Variants in CSMD1 observed in about 807,000 individuals in gnomAD.
The protein encoded by CSMD1 is CUB and sushi domain-containing protein 1.
A neutral mutation model predicts 417.5 loss-of-function variants in CSMD1; 213 were observed. The ratio of observed to expected loss-of-function variants is 0.51; its 90% CI spans 0.46 to 0.57. The LOEUF (loss-of-function observed/expected upper bound fraction) is 0.57. CSMD1 is among the 20% of genes least tolerant of loss of function. CSMD1 has a pLI of 0.00. For missense variants in CSMD1, 6,923 were observed against 4,529.7 expected, an observed-to-expected ratio of 1.53 and a Z score of -15.17; for synonymous variants, 2,862 against 1,736.8, an observed-to-expected ratio of 1.65 and a Z score of -16.11.
At chr8:3,868,164 C>T (rs1299172872) in intron 5 of CSMD1, among the ~76,000 whole-genome samples, 7 of 152,100 alleles carry the variant, frequency 4.6e-5, no homozygotes, top group Non-Finnish European at 7.4e-5. Flanking sequence ...TTCCACTCCA[C>T]TCTGCTGAAC....
At chr8:3,954,234 C>G (rs1811776264) in intron 5 of CSMD1, among the ~76,000 whole-genome samples, 2 of 152,232 alleles carry the variant, frequency 1.3e-5, no homozygotes, top group South Asian at 2.1e-4. Flanking sequence ...CCAGGCAAGT[C>G]CAGAGCAGGA....
At chr8:4,247,463 C>T (rs1188121243) in intron 3 of CSMD1, among the ~76,000 whole-genome samples, 1 of 152,126 alleles carries the variant, frequency 6.6e-6, no homozygotes, top group Non-Finnish European at 1.5e-5. Flanking sequence ...ATGAAAAATG[C>T]TTTCTATCTC....
At chr8:4,239,850 G>C (rs1000885502) in intron 3 of CSMD1, among the ~76,000 whole-genome samples, 2 of 152,110 alleles carry the variant, frequency 1.3e-5, no homozygotes, top group Non-Finnish European at 2.9e-5. Context: ...CACTATTTTG[G>C]AATATAGTGA....
At chr8:3,390,245 C>T (rs541040839) in intron 17 of CSMD1, among the ~76,000 whole-genome samples, 1 of 147,384 alleles carries the variant, frequency 6.8e-6, no homozygotes, top group African/African-American at 2.5e-5. Flanking sequence ...ATCCCAGCTA[C>T]TTGGGAGGCT....
At chr8:4,799,955 G>C (rs1476184391) in intron 1 of CSMD1, among the ~76,000 whole-genome samples, 1 of 151,918 alleles carries the variant, frequency 6.6e-6, no homozygotes, top group South Asian at 2.1e-4. Context: ...CGAACATGCA[G>C]ACTACACTGA....
intron 3 of CSMD1, among the ~76,000 whole-genome samples, chr8:4,257,951 G>C (rs538100730): frequency 2.6e-5 from 4 of 152,176 alleles, no homozygotes; most frequent in Non-Finnish European, 2.9e-5. Context: ...AAAATCATTA[G>C]AATCTTTGTC....
intron 1 of CSMD1, among the ~76,000 whole-genome samples, chr8:4,739,446 G>T (rs1003098622): frequency 4.6e-5 from 7 of 152,274 alleles, no homozygotes; most frequent in South Asian, 2.1e-4. Flanking sequence ...AAGAGAAAAG[G>T]TCATGTGAAT....
intron 26 of CSMD1, among the ~76,000 whole-genome samples, chr8:3,254,660 A>T (rs976901410): frequency 2.0e-5 from 3 of 152,140 alleles, no homozygotes; most frequent in African/African-American, 7.2e-5. Flanking sequence ...TAGTTGACCG[A>T]ATTGGCTATT....
intron 1 of CSMD1, among the ~76,000 whole-genome samples, chr8:4,951,381 C>A (rs1045916595): frequency 5.3e-5 from 8 of 150,624 alleles, no homozygotes; most frequent in African/African-American, 2.0e-4. Flanking sequence ...TCTAGCCAGT[C>A]AGGATCAGAG....
chr8:3,527,687 T>C (rs1403708290), intron 10 of CSMD1, among the ~76,000 whole-genome samples: 1 of 152,162 alleles, frequency 6.6e-6, no homozygotes, highest in African/African-American at 2.4e-5. Context: ...GCTCTGCTTT[T>C]GGCTTAGAGC....
chr8:4,461,397 G>A (rs915432488), intron 2 of CSMD1, among the ~76,000 whole-genome samples: 1 of 150,702 alleles, frequency 6.6e-6, no homozygotes, highest in African/African-American at 2.5e-5. Context: ...CATAAAGATA[G>A]GTAAAGAAGA....
intron 5 of CSMD1, among the ~76,000 whole-genome samples, chr8:3,972,099 G>A (rs948859485): frequency 6.6e-6 from 1 of 152,014 alleles, no homozygotes; most frequent in African/African-American, 2.4e-5. Context: ...CTGACTTCCT[G>A]GGCTCAAGAG....
At chr8:4,664,728 A>T (rs1804809396) in intron 1 of CSMD1, among the ~76,000 whole-genome samples, 1 of 152,318 alleles carries the variant, frequency 6.6e-6, no homozygotes, top group African/African-American at 2.4e-5. Flanking sequence ...TTTATATAAA[A>T]GTGTAGATGC....
chr8:4,931,908 G>A lies in CSMD1; in HGVS notation c.85+62424C>T, dbSNP rs532089145. Among the ~76,000 whole-genome samples, 8 of 152,272 alleles carry A rather than the reference G, an allele frequency of 5.3e-5. No individual in the cohort carries two copies. In the East Asian group the frequency reaches 1.2e-3, roughly 22 times the overall value. On this transcript the variant is annotated intron_variant, in intron 1 of 69. Transcript: ENST00000635120. The stretch of plus-strand genomic sequence containing the variant: ...ATATGGAGATATGTACTTTAGAAAT[G>A]TCCCTTGGACATTAAGATGCTTATG...
At chr8:2,941,252 G>C (rs1488777364) in intron 69 of CSMD1, among the ~76,000 whole-genome samples, 1 of 152,178 alleles carries the variant, frequency 6.6e-6, no homozygotes, top group Non-Finnish European at 1.5e-5. Flanking sequence ...ATACACCTTT[G>C]AAGCAACATT....
intron 1 of CSMD1, among the ~76,000 whole-genome samples, chr8:4,911,787 C>A (rs1385600794): frequency 6.6e-6 from 1 of 152,098 alleles, no homozygotes; most frequent in Non-Finnish European, 1.5e-5. Flanking sequence ...GCCGCCAGAT[C>A]AATCACTTCT....
intron 1 of CSMD1, among the ~76,000 whole-genome samples, chr8:4,849,289 A>G (rs1801328057): frequency 6.6e-6 from 1 of 152,214 alleles, no homozygotes; most frequent in Non-Finnish European, 1.5e-5. Context: ...TGTTATTACA[A>G]AAGAGTCACA....
intron 3 of CSMD1, among the ~76,000 whole-genome samples, chr8:4,101,069 A>G (rs1000401914): frequency 6.6e-6 from 1 of 152,108 alleles, no homozygotes; most frequent in African/African-American, 2.4e-5. Flanking sequence ...CAGAGACGAG[A>G]CGGCGCTGGG....
chr8:3,525,074 A>C (rs562143161), intron 10 of CSMD1, among the ~76,000 whole-genome samples: 1 of 152,308 alleles, frequency 6.6e-6, no homozygotes, highest in South Asian at 2.1e-4. Flanking sequence ...TGAAAAGCCA[A>C]CTAAAGTGAA....
Sources: allele counts gnomAD v4.1 joint callset (sites outside exome capture counted in the v4.1 genomes callset), GRCh38; gene constraint gnomAD v4.1.1; transcripts MANE v1.5; gene names NCBI Gene and HGNC (gene_info 2026-07-23, HGNC 2026-07-21).